EBF1: variants seen among roughly 807,000 people sequenced by gnomAD.
The protein encoded by EBF1 is transcription factor COE1.
A neutral mutation model predicts 68.4 loss-of-function variants in EBF1; 10 were observed. The observed-to-expected ratio is 0.15, with a 90% CI of 0.09 to 0.25. The LOEUF (loss-of-function observed/expected upper bound fraction) is 0.25, where lower values mean the gene tolerates loss of function less well. EBF1 is among the 10% of genes least tolerant of loss of function. EBF1 has a pLI of 1.00. For synonymous variants in EBF1, 298 were observed against 299.8 expected, an observed-to-expected ratio of 0.99 and a Z score of 0.06; for missense variants, 509 against 794.4, an observed-to-expected ratio of 0.64 and a Z score of 4.32.
In EBF1 at chr5:158,823,295, T is replaced by C. The variant is rs1185008687; in HGVS notation, c.659A>G (p.Asn220Ser). The C allele has an allele frequency of 8.7e-6, 14 of 1,613,782 alleles. No homozygotes were observed. The highest frequency in any genetic ancestry group is 4.5e-5 in the East Asian group (2 of 44,874). Residue 220 changes from asparagine (N) to serine (S), a missense_variant, in exon 8 of 16, where the codon AAT becomes AGT. Transcript: ENST00000313708. ...RFQVVVSTTV[N>S]VDGHVLAVSD... The stretch of plus-strand genomic sequence containing the variant: ...GACTGCCAGGACATGGCCATCCACA[T>C]TGACTGTCGTAGACACCACGACCTG...
In EBF1 at chr5:158,917,591, C is replaced by T. The variant is rs1234211539; in HGVS notation, c.555-77481G>A. Among the ~76,000 whole-genome samples, 14 of 152,238 alleles carry T rather than the reference C, an allele frequency of 9.2e-5. No homozygotes were observed. The East Asian group carries it at 2.5e-3, about 27-fold the overall frequency. On this transcript the variant is annotated intron_variant, in intron 6 of 15. Transcript: ENST00000313708. ...TTCATGTGTGTTAGGAAAGAAAAACCGTAAGTGGCACATCAAACTTTTAAT... is the reference window on the plus strand; with the variant it reads ...TTCATGTGTGTTAGGAAAGAAAAACTGTAAGTGGCACATCAAACTTTTAAT...
chr5:158,785,227 G>T (rs1268106509), intron 9 of EBF1, among the ~76,000 whole-genome samples: 3 of 152,102 alleles, frequency 2.0e-5, no homozygotes, highest in Non-Finnish European at 4.4e-5. Context: ...AGATACCAAG[G>T]TGTTAGGGAA....
At chr5:158,863,010 T>C (rs967645490) in intron 6 of EBF1, among the ~76,000 whole-genome samples, 1 of 152,180 alleles carries the variant, frequency 6.6e-6, no homozygotes, top group Admixed American at 6.5e-5. Context: ...TTATATGTGA[T>C]CTCTTCTCAC....
At chr5:158,888,280 G>T (rs1800444303) in intron 6 of EBF1, among the ~76,000 whole-genome samples, 1 of 152,006 alleles carries the variant, frequency 6.6e-6, no homozygotes, top group South Asian at 2.1e-4. Context: ...GCGTGCGTGT[G>T]TGTGTGTTTG....
intron 10 of EBF1, among the ~76,000 whole-genome samples, chr5:158,731,823 G>A (rs1764155265): frequency 6.6e-6 from 1 of 152,156 alleles, no homozygotes; most frequent in Non-Finnish European, 1.5e-5. Flanking sequence ...CTAGCTTAGA[G>A]CAGCCGAGTC....
chr5:158,790,142 AT>A, intron 9 of EBF1, among the ~76,000 whole-genome samples: 1 of 152,298 alleles, frequency 6.6e-6, no homozygotes, highest in South Asian at 2.1e-4. Flanking sequence ...TGTGAGACTA[AT>A]TGCTTCACAC....
intron 9 of EBF1, among the ~76,000 whole-genome samples, chr5:158,778,233 A>T (rs1364729638): frequency 1.3e-5 from 2 of 152,120 alleles, no homozygotes. Context: ...TGGCAATCAG[A>T]TTACACCATG....
chr5:158,969,848 GA>G (rs1491190212), intron 6 of EBF1, among the ~76,000 whole-genome samples: 2 of 34,012 alleles, frequency 5.9e-5, no homozygotes, highest in Non-Finnish European at 1.2e-4. Context: ...GAAAGAGAAA[GA>G]AAGAAAGAAA....
intron 6 of EBF1, among the ~76,000 whole-genome samples, chr5:158,867,722 T>TTCTTTTGGAAGAAA (rs1796190355): frequency 6.6e-6 from 1 of 152,210 alleles, no homozygotes; most frequent in African/African-American, 2.4e-5. Context: ...TCCATATGGT[T>TTCTTTTGGAAGAAA]AGATATTTTA....
At chr5:158,896,020 A>T (rs1802112248) in intron 6 of EBF1, among the ~76,000 whole-genome samples, 1 of 152,224 alleles carries the variant, frequency 6.6e-6, no homozygotes, top group Admixed American at 6.5e-5. Flanking sequence ...GATAACAAGG[A>T]AGAGAAAAAT....
chr5:158,918,909 G>A (rs1278202784), intron 6 of EBF1, among the ~76,000 whole-genome samples: 1 of 152,194 alleles, frequency 6.6e-6, no homozygotes, highest in Non-Finnish European at 1.5e-5. Context: ...GGTTAAGGGA[G>A]GGCTTATATA....
chr5:158,866,387 A>G (rs183700199), intron 6 of EBF1, among the ~76,000 whole-genome samples: 5 of 152,312 alleles, frequency 3.3e-5, no homozygotes, highest in Admixed American at 2.0e-4. Context: ...AAGGAACATC[A>G]TCATTTTTCT....
At chr5:158,826,599 C>T (rs1332646436) in intron 7 of EBF1, among the ~76,000 whole-genome samples, 2 of 152,134 alleles carry the variant, frequency 1.3e-5, no homozygotes, top group African/African-American at 2.4e-5. Context: ...TACATATATG[C>T]TTTAATCACT....
At chr5:158,768,831 C>T (rs17056191) in intron 10 of EBF1, among the ~76,000 whole-genome samples, 10,998 of 152,104 alleles carry the variant, frequency 0.072, 492 homozygotes, top group Non-Finnish European at 0.089. Context: ...CAGTCAAAAG[C>T]TGAAGGGTTA....
rs929135755 is a variant in EBF1, at chr5:158,777,357, G to T, written c.1036+56C>A. ...TGCTTTTATACAGACAAGATAAGGG[G>T]AAAGACCCCACAAGACCACGGCAGT... is the stretch of plus-strand genomic sequence containing the variant. On this transcript the variant is annotated intron_variant, in intron 10 of 15. Transcript: ENST00000313708. 20 of 1,492,586 alleles carry T rather than the reference G, an allele frequency of 1.3e-5. No individual in the cohort carries two copies. In the East Asian group the frequency reaches 4.8e-4, roughly 36 times the overall value. The allele number at this position is 1,492,586 out of a possible 1,614,324, so 92.5% of individuals were successfully genotyped here. A position where few individuals can be genotyped will look rare whatever the true frequency, so the allele number is the denominator to read the frequency against.
At chr5:158,937,203 G>A (rs1224279543) in intron 6 of EBF1, among the ~76,000 whole-genome samples, 3 of 151,986 alleles carry the variant, frequency 2.0e-5, no homozygotes, top group Admixed American at 6.6e-5. Flanking sequence ...CCTTATCACA[G>A]GGAGTTCACA....
chr5:158,940,763 GCC>G (rs1281689924), intron 6 of EBF1, among the ~76,000 whole-genome samples: 191 of 6,374 alleles, frequency 0.03, 40 homozygotes, highest in African/African-American at 0.067. Context: ...TCACCCCACC[GCC>G]CCCCCCCCCC....
intron 8 of EBF1, among the ~76,000 whole-genome samples, chr5:158,808,971 G>T (rs1020984198): frequency 1.3e-5 from 2 of 152,082 alleles, no homozygotes; most frequent in Admixed American, 6.6e-5. Context: ...ACCCTTTAGT[G>T]AACTCTTCCT....
chr5:158,924,281 T>C (rs952468921), intron 6 of EBF1, among the ~76,000 whole-genome samples: 1 of 152,208 alleles, frequency 6.6e-6, no homozygotes, highest in Non-Finnish European at 1.5e-5. Flanking sequence ...TCATGCCAGA[T>C]GCTGCAGAGT....
Sources: allele counts gnomAD v4.1 joint callset (sites outside exome capture counted in the v4.1 genomes callset), GRCh38; gene constraint gnomAD v4.1.1; transcripts MANE v1.5; gene names NCBI Gene and HGNC (gene_info 2026-07-23, HGNC 2026-07-21).